The following PTPRG variants were observed in gnomAD, a reference collection of about 807,000 sequenced individuals.
The protein encoded by PTPRG is receptor-type tyrosine-protein phosphatase gamma.
In PTPRG, 102 loss-of-function variants were observed where a neutral mutation model predicts 165.3. The observed-to-expected ratio is 0.62, with a 90% CI of 0.53 to 0.73. The LOEUF (loss-of-function observed/expected upper bound fraction) is 0.73. Among genes scored for constraint, PTPRG ranks in the 30% least tolerant of loss-of-function variants. PTPRG has a pLI of 0.00. For synonymous variants in PTPRG, 675 were observed against 669.5 expected (o/e 1.01, Z -0.13); for missense variants, 1,866 against 1,861.4 (o/e 1.00, Z -0.05).
intron 2 of PTPRG, among the ~76,000 whole-genome samples, chr3:61,777,812 C>T (rs1301198166): frequency 6.6e-6 from 1 of 152,144 alleles, no homozygotes; most frequent in Non-Finnish European, 1.5e-5. Flanking sequence ...AGGGTAATCA[C>T]ATCATCTGTT....
intron 1 of PTPRG, among the ~76,000 whole-genome samples, chr3:61,601,041 G>A (rs1700851972): frequency 6.6e-6 from 1 of 152,194 alleles, no homozygotes; most frequent in Admixed American, 6.5e-5. Context: ...GATCACTTGA[G>A]GTCGGGAGTT....
chr3:62,289,092 G>T (rs909533074), intron 28 of PTPRG, among the ~76,000 whole-genome samples: 7 of 152,314 alleles, frequency 4.6e-5, no homozygotes, highest in African/African-American at 1.7e-4. Context: ...CCATTTACAA[G>T]TATCAGCTCA....
intron 2 of PTPRG, among the ~76,000 whole-genome samples, chr3:61,852,046 A>G (rs2036978083): frequency 6.6e-6 from 1 of 152,184 alleles, no homozygotes; most frequent in Non-Finnish European, 1.5e-5. Context: ...CAATGTTGAT[A>G]CAATTGGGGC....
At chr3:61,807,260 A>G (rs1473560266) in intron 2 of PTPRG, among the ~76,000 whole-genome samples, 2 of 152,152 alleles carry the variant, frequency 1.3e-5, no homozygotes, top group Non-Finnish European at 2.9e-5. Context: ...AAGGATTACC[A>G]CTCTGAGAGA....
In PTPRG at chr3:62,071,764, T is replaced by A. The variant is rs148901185; in HGVS notation, c.520-6399T>A. On this transcript the variant is annotated intron_variant, in intron 4 of 29. Transcript: ENST00000474889. ...TATAATTTTTCTGTCCCAACCCCAC[T>A]TTCCTTCCTTAGGAGCTTTGTAAAT... Among the ~76,000 whole-genome samples, 49 of 152,306 alleles carry A rather than the reference T, an allele frequency of 3.2e-4. No individual in the cohort carries two copies. In the East Asian group the frequency reaches 9.5e-3, roughly 29 times the overall value.
intron 2 of PTPRG, among the ~76,000 whole-genome samples, chr3:61,854,134 A>G (rs2037038426): frequency 6.6e-6 from 1 of 152,196 alleles, no homozygotes; most frequent in Admixed American, 6.5e-5. Flanking sequence ...TCTTGAGAGA[A>G]CAGCAGCCCT....
chr3:62,191,135 GTC>G (rs1699802643), intron 8 of PTPRG, among the ~76,000 whole-genome samples: 1 of 151,182 alleles, frequency 6.6e-6, no homozygotes, highest in African/African-American at 2.4e-5. Context: ...GCGTGTGTGC[GTC>G]TGTGTCCCGT....
At chr3:61,772,166 A>G (rs908978691) in intron 2 of PTPRG, among the ~76,000 whole-genome samples, 2 of 151,936 alleles carry the variant, frequency 1.3e-5, no homozygotes, top group African/African-American at 4.8e-5. Context: ...CCAGGGACAA[A>G]CTCAGGACTT....
intron 5 of PTPRG, among the ~76,000 whole-genome samples, chr3:62,095,671 A>G (rs1165077151): frequency 6.6e-6 from 1 of 152,198 alleles, no homozygotes; most frequent in Non-Finnish European, 1.5e-5. Context: ...GCCAATGGAC[A>G]TATGATTCAA....
intron 5 of PTPRG, among the ~76,000 whole-genome samples, chr3:62,109,531 C>G (rs1023946690): frequency 1.3e-5 from 2 of 152,120 alleles, no homozygotes; most frequent in Admixed American, 6.6e-5. Flanking sequence ...TATGCAGGCT[C>G]TTTTTTGGTT....
intron 5 of PTPRG, among the ~76,000 whole-genome samples, chr3:62,116,813 A>G (rs535286083): frequency 7.9e-5 from 12 of 152,348 alleles, no homozygotes; most frequent in East Asian, 1.9e-4. Context: ...TGGGACCTCA[A>G]TGTCTAATGG....
chr3:62,119,581 T>C (rs959191570), intron 5 of PTPRG, among the ~76,000 whole-genome samples: 4 of 152,020 alleles, frequency 2.6e-5, no homozygotes, highest in Admixed American at 6.5e-5. Flanking sequence ...GCTTTTACGC[T>C]GGCATGGGTT....
At chr3:62,046,365 G>A (rs567186674) in intron 4 of PTPRG, among the ~76,000 whole-genome samples, 1 of 152,284 alleles carries the variant, frequency 6.6e-6, no homozygotes, top group Admixed American at 6.5e-5. Context: ...CCTTCTGTGT[G>A]ACTGTCTATC....
At chr3:62,276,892 C>A in intron 24 of PTPRG, 80 bp from the exon 25 acceptor site, 1 of 1,073,384 alleles carries the variant, frequency 9.3e-7, no homozygotes, top group Admixed American at 1.9e-5. Context: ...TGTTATTCAT[C>A]AAGCAAATCT....
At chr3:61,951,632 C>G (rs149915762) in intron 2 of PTPRG, among the ~76,000 whole-genome samples, 8 of 152,024 alleles carry the variant, frequency 5.3e-5, no homozygotes, top group Non-Finnish European at 1.5e-5. Flanking sequence ...CGCTTGTTTC[C>G]GTGTCTGGTT....
chr3:62,184,473 G>A (rs1028455172), intron 8 of PTPRG, among the ~76,000 whole-genome samples: 2 of 152,164 alleles, frequency 1.3e-5, no homozygotes, highest in South Asian at 4.1e-4. Flanking sequence ...ACTCCCTGAG[G>A]CCATTTCTCT....
intron 1 of PTPRG, among the ~76,000 whole-genome samples, chr3:61,745,859 T>C (rs2033177190): frequency 6.6e-6 from 1 of 152,188 alleles, no homozygotes; most frequent in Non-Finnish European, 1.5e-5. Context: ...TTTCAAGTGA[T>C]GGTTTAAAGC....
At chr3:62,014,522 G>C (rs921568419) in intron 4 of PTPRG, among the ~76,000 whole-genome samples, 2 of 152,180 alleles carry the variant, frequency 1.3e-5, no homozygotes, top group Non-Finnish European at 2.9e-5. Context: ...CACAGATAGA[G>C]CTTCAACTCC....
chr3:62,140,293 A>G (rs1039822964), intron 6 of PTPRG, among the ~76,000 whole-genome samples: 1 of 152,198 alleles, frequency 6.6e-6, no homozygotes, highest in African/African-American at 2.4e-5. Flanking sequence ...CCCCAAGAAA[A>G]ATATTGACAA....
Sources: gnomAD v4.1 joint callset for allele counts (sites outside exome capture counted in the v4.1 genomes callset) on GRCh38, gnomAD v4.1.1 for gene constraint, MANE v1.5 for transcripts, NCBI Gene and HGNC (gene_info 2026-07-23, HGNC 2026-07-21) for gene names.